Variants in LDB2 observed in about 807,000 individuals in gnomAD.
LDB2 encodes the protein LIM domain binding 2.
LDB2 carries 12 observed loss-of-function variants against 44.3 expected under a neutral mutation model. The observed-to-expected ratio is 0.27, with a 90% CI of 0.17 to 0.44. The LOEUF is 0.44. LDB2 is among the 20% of genes least tolerant of loss of function. The probability of loss-of-function intolerance (pLI) is 1.00; values close to 1 mark genes in which losing one functional copy is unlikely to be tolerated. For synonymous variants in LDB2, 164 were observed against 174.8 expected, an observed-to-expected ratio of 0.94 and a Z score of 0.49; for missense variants, 344 against 473.5, an observed-to-expected ratio of 0.73 and a Z score of 2.54.
At chr4:16,542,103 G>GGGGC (rs1553889160) in intron 5 of LDB2, among the ~76,000 whole-genome samples, 4 of 145,068 alleles carry the variant, frequency 2.8e-5, no homozygotes, top group Non-Finnish European at 6.0e-5. Flanking sequence ...TCAGGTGGTG[G>GGGGC]GGGGGGGGGC....
At chr4:16,751,403 T>G (rs1271261543) in intron 2 of LDB2, among the ~76,000 whole-genome samples, 1 of 152,206 alleles carries the variant, frequency 6.6e-6, no homozygotes, top group African/African-American at 2.4e-5. Context: ...ATTAGTGTGG[T>G]ATTTACCAGA....
At chr4:16,644,912 T>C (rs890012256) in intron 2 of LDB2, among the ~76,000 whole-genome samples, 3 of 152,256 alleles carry the variant, frequency 2.0e-5, no homozygotes, top group African/African-American at 7.2e-5. Flanking sequence ...ATCCTCATCC[T>C]GTTACTATTC....
intron 1 of LDB2, among the ~76,000 whole-genome samples, chr4:16,767,278 T>C (rs910386255): frequency 6.6e-6 from 1 of 152,240 alleles, no homozygotes; most frequent in Non-Finnish European, 1.5e-5. Flanking sequence ...GTAACACTAC[T>C]AATAATACTC....
intron 2 of LDB2, among the ~76,000 whole-genome samples, chr4:16,671,184 T>TG (rs1453996070): frequency 4.3e-4 from 65 of 151,412 alleles, no homozygotes; most frequent in African/African-American, 1.5e-3. Flanking sequence ...AATTTGGAAG[T>TG]GGGGGGATAT....
At chr4:16,835,644 G>C (rs1210315153) in intron 1 of LDB2, among the ~76,000 whole-genome samples, 1 of 152,180 alleles carries the variant, frequency 6.6e-6, no homozygotes, top group East Asian at 1.9e-4. Flanking sequence ...CATTGGGATA[G>C]GTGTAAGTTT....
chr4:16,631,025 C>A (rs906237171), intron 2 of LDB2, among the ~76,000 whole-genome samples: 3 of 151,912 alleles, frequency 2.0e-5, no homozygotes, highest in Admixed American at 1.3e-4. Flanking sequence ...ATTAGATCAA[C>A]AAGACACAAA....
chr4:16,762,371 A>T (rs1768114541), intron 1 of LDB2, among the ~76,000 whole-genome samples: 1 of 152,192 alleles, frequency 6.6e-6, no homozygotes. Flanking sequence ...AGGCCCAGTG[A>T]CGGGATCCCC....
At chr4:16,833,478 G>A (rs1431296149) in intron 1 of LDB2, among the ~76,000 whole-genome samples, 1 of 151,266 alleles carries the variant, frequency 6.6e-6, no homozygotes, top group Admixed American at 6.6e-5. Context: ...TTTTCTTGCG[G>A]TATCTCCTTT....
intron 5 of LDB2, among the ~76,000 whole-genome samples, chr4:16,579,195 C>T (rs180747426): frequency 6.6e-6 from 1 of 152,198 alleles, no homozygotes; most frequent in Non-Finnish European, 1.5e-5. Context: ...TTGTTTGAAA[C>T]ACAAAAGATA....
chr4:16,833,410 A>G (rs1784358801), intron 1 of LDB2, among the ~76,000 whole-genome samples: 1 of 152,146 alleles, frequency 6.6e-6, no homozygotes, highest in African/African-American at 2.4e-5. Context: ...AGAAACAATT[A>G]ATTTTCCTTT....
chr4:16,634,579 C>CA, intron 2 of LDB2, among the ~76,000 whole-genome samples: 1 of 152,266 alleles, frequency 6.6e-6, no homozygotes, highest in South Asian at 2.1e-4. Context: ...AAATGCAAAT[C>CA]AAAACCACCA....
At chr4:16,508,397 CTG>C (rs1320838248) in intron 7 of LDB2, 136 bp downstream of exon 7, 38 of 730,994 alleles carry the variant, frequency 5.2e-5, no homozygotes, top group Non-Finnish European at 3.3e-5. Flanking sequence ...ACCTCTGTCC[CTG>C]TCTTTTATCC....
chr4:16,512,571 T>G (rs1722213541), intron 5 of LDB2, among the ~76,000 whole-genome samples: 1 of 152,260 alleles, frequency 6.6e-6, no homozygotes, highest in Non-Finnish European at 1.5e-5. Context: ...TGCTAGTTTA[T>G]GCAGATTGGT....
intron 1 of LDB2, among the ~76,000 whole-genome samples, chr4:16,805,726 A>ATG (rs979571504): frequency 6.6e-6 from 1 of 152,232 alleles, no homozygotes; most frequent in Non-Finnish European, 1.5e-5. Context: ...GGGACGAAAG[A>ATG]TGATTCCTCT....
chr4:16,522,723 T>C (rs924499861), intron 5 of LDB2, among the ~76,000 whole-genome samples: 6 of 152,310 alleles, frequency 3.9e-5, no homozygotes, highest in Admixed American at 3.3e-4. Context: ...CTAAAAAATA[T>C]TGGTCACTCT....
At chr4:16,886,721 T>C (rs749521819) in intron 1 of LDB2, among the ~76,000 whole-genome samples, 1 of 152,088 alleles carries the variant, frequency 6.6e-6, no homozygotes, top group Non-Finnish European at 1.5e-5. Flanking sequence ...TCAACATCAA[T>C]AGCATGACAC....
chr4:16,816,501 A>C (rs1780941797), intron 1 of LDB2, among the ~76,000 whole-genome samples: 2 of 143,936 alleles, frequency 1.4e-5, no homozygotes, highest in African/African-American at 5.2e-5. Context: ...CTCCGCCTCC[A>C]GGGTTCAAGC....
chr4:16,596,851 A>T (rs1236201851), intron 2 of LDB2, among the ~76,000 whole-genome samples: 1 of 152,146 alleles, frequency 6.6e-6, no homozygotes, highest in South Asian at 2.1e-4. Flanking sequence ...AGCGATTTGA[A>T]ATCCTCTTAC....
At chr4:16,756,753 T>C (rs557227075) in intron 2 of LDB2, among the ~76,000 whole-genome samples, 7 of 152,086 alleles carry the variant, frequency 4.6e-5, no homozygotes, top group Non-Finnish European at 1.0e-4. Flanking sequence ...AACATTCTAA[T>C]AAGGAATGAC....
Sources: gnomAD v4.1 joint callset for allele counts (sites outside exome capture counted in the v4.1 genomes callset) on GRCh38, gnomAD v4.1.1 for gene constraint, MANE v1.5 for transcripts, NCBI Gene and HGNC (gene_info 2026-07-23, HGNC 2026-07-21) for gene names.